Variants in TJP1 observed in about 807,000 individuals in gnomAD.
The protein encoded by TJP1 is tight junction protein ZO-1.
In TJP1, 43 loss-of-function variants were observed where a neutral mutation model predicts 194.2. The ratio of observed to expected loss-of-function variants is 0.22; its 90% CI spans 0.17 to 0.29. The LOEUF (loss-of-function observed/expected upper bound fraction) is 0.29, where lower values mean the gene tolerates loss of function less well. Ranked by LOEUF, TJP1 falls within the 10% of genes least tolerant of loss-of-function variation. The pLI is 1.00. For missense variants in TJP1, 1,971 were observed against 2,185.7 expected, an observed-to-expected ratio of 0.90 and a Z score of 1.96; for synonymous variants, 801 against 779.0, an observed-to-expected ratio of 1.03 and a Z score of -0.47.
At chr15:29,726,254 A>G in intron 18 of TJP1, 125 bp downstream of exon 18, 1 of 797,240 alleles carries the variant, frequency 1.3e-6, no homozygotes, top group Non-Finnish European at 2.0e-6. Context: ...AAAACCTAAA[A>G]GCTAACTTTC....
At chr15:29,911,398 G>C (rs754661543) in intron 2 of TJP1, among the ~76,000 whole-genome samples, 2 of 152,184 alleles carry the variant, frequency 1.3e-5, no homozygotes, top group Non-Finnish European at 2.9e-5. Context: ...GTACTAGTCT[G>C]TCTTCATGTT....
At chr15:29,833,871 A>AT (rs1567116902) in intron 2 of TJP1, among the ~76,000 whole-genome samples, 2 of 18,348 alleles carry the variant, frequency 1.1e-4, no homozygotes, top group South Asian at 2.5e-3. Context: ...ATATATATAT[A>AT]TATATATATA....
rs760935086 is a variant in TJP1, at chr15:29,718,735, G to T, written c.3407C>A (p.Ala1136Asp). 1 of 1,614,134 alleles carries T rather than the reference G, an allele frequency of 6.2e-7. No homozygotes were observed. Among genetic ancestry groups the T allele is most frequent in the Admixed American group, 1.7e-5 (1 of 60,020 alleles). Reference sequence around the variant, plus strand: ...TGGTCTGCTGTCGTAAGACAGAGGGGCTGGCTCTTCAAAACGTGGAAAGTA... The same window carrying T: ...TGGTCTGCTGTCGTAAGACAGAGGGTCTGGCTCTTCAAAACGTGGAAAGTA... ...RGYFPRFEEP[A>D]PLSYDSRPRY... Residue 1136 changes from alanine (A) to aspartate (D), a missense_variant, in exon 21 of 28, where the codon GCC becomes GAC. This residue lies in a region of TJP1 where 1,108 missense variants were observed against 1,128.5 expected (regional missense o/e 0.98). Coordinates refer to ENST00000614355, the MANE Select transcript of TJP1 (RefSeq NM_001330239.4).
Position 29,813,773 on chromosome 15 carries a change from T to G in TJP1, c.27+8229A>C, listed in dbSNP as rs530135109. ...TCATTATGGACAGAATTTTATTTGCTGCTCTCTACCCGCACCATTAAAATG... is the reference window on the plus strand; with the variant it reads ...TCATTATGGACAGAATTTTATTTGCGGCTCTCTACCCGCACCATTAAAATG... On this transcript the variant is annotated intron_variant, in intron 1 of 27. Transcript: ENST00000614355. Among the ~76,000 whole-genome samples, 25 of 152,356 alleles carry G rather than the reference T, an allele frequency of 1.6e-4. No individual in the cohort carries two copies. In the East Asian group the frequency reaches 4.8e-3, roughly 29 times the overall value.
chr15:29,710,693 A>G, intron 24 of TJP1, 138 bp downstream of exon 24: 1 of 1,054,460 alleles, frequency 9.5e-7, no homozygotes, highest in Non-Finnish European at 1.4e-6. Flanking sequence ...TTTTAACAAA[A>G]TTCTTAGTTT....
intron 27 of TJP1, among the ~76,000 whole-genome samples, 190 bp downstream of exon 27, chr15:29,703,972 T>C (rs2041725295): frequency 1.3e-5 from 2 of 152,164 alleles, no homozygotes; most frequent in Non-Finnish European, 2.9e-5. Context: ...AGGCAGAAAG[T>C]CTTCTACCTT....
chr15:29,774,113 T>C (rs1418436970), intron 2 of TJP1, among the ~76,000 whole-genome samples: 1 of 152,130 alleles, frequency 6.6e-6, no homozygotes, highest in African/African-American at 2.4e-5. Flanking sequence ...AAAGAGACAA[T>C]ATACATTTTC....
intron 2 of TJP1, among the ~76,000 whole-genome samples, chr15:29,784,144 C>T (rs912545233): frequency 2.0e-5 from 3 of 151,948 alleles, no homozygotes; most frequent in East Asian, 1.9e-4. Flanking sequence ...AAAAAAACTT[C>T]GCTGATACTA....
At chr15:29,880,357 C>G (rs552894444) in intron 2 of TJP1, among the ~76,000 whole-genome samples, 1 of 152,168 alleles carries the variant, frequency 6.6e-6, no homozygotes, top group Non-Finnish European at 1.5e-5. Flanking sequence ...TTTGGACATA[C>G]GCAAACATCT....
intron 5 of TJP1, among the ~76,000 whole-genome samples, chr15:29,763,960 A>G (rs939031188): frequency 6.6e-6 from 1 of 152,172 alleles, no homozygotes; most frequent in Non-Finnish European, 1.5e-5. Context: ...ACTGTTCTTC[A>G]AGATTAAACA....
chr15:29,934,791 G>C (rs952723132), intron 2 of TJP1, among the ~76,000 whole-genome samples: 10 of 152,188 alleles, frequency 6.6e-5, no homozygotes, highest in African/African-American at 2.4e-4. Flanking sequence ...ACTTATATTA[G>C]AGACAAAAGC....
At chr15:29,708,439 T>A in intron 25 of TJP1, 120 bp downstream of exon 25, 1 of 810,908 alleles carries the variant, frequency 1.2e-6, no homozygotes, top group Non-Finnish European at 2.0e-6. Flanking sequence ...GCAACAACAC[T>A]CTTCAGTTTA....
intron 2 of TJP1, among the ~76,000 whole-genome samples, chr15:29,876,953 A>T (rs2052723768): frequency 6.6e-6 from 1 of 152,182 alleles, no homozygotes; most frequent in Non-Finnish European, 1.5e-5. Context: ...TGAAGCAAAA[A>T]TGCTCAAGAA....
chr15:29,948,512 T>C (rs1443868217), intron 2 of TJP1, among the ~76,000 whole-genome samples: 2 of 152,030 alleles, frequency 1.3e-5, no homozygotes, highest in African/African-American at 4.8e-5. Context: ...GAGACAGAAA[T>C]GAGAAGTAGG....
intron 8 of TJP1, among the ~76,000 whole-genome samples, chr15:29,745,513 C>T (rs888828413): frequency 3.9e-5 from 6 of 152,012 alleles, no homozygotes; most frequent in Non-Finnish European, 7.4e-5. Context: ...AATTCGGAAG[C>T]CATAAAGGCA....
intron 2 of TJP1, among the ~76,000 whole-genome samples, chr15:29,880,854 G>A (rs1457068790): frequency 2.0e-5 from 3 of 152,200 alleles, no homozygotes; most frequent in South Asian, 4.1e-4. Flanking sequence ...TGATGGACAG[G>A]TGGGTTGTTT....
chr15:29,908,244 T>C (rs1596233869), intron 2 of TJP1, among the ~76,000 whole-genome samples: 2 of 152,004 alleles, frequency 1.3e-5, no homozygotes, highest in African/African-American at 4.8e-5. Flanking sequence ...ACCTATTCCA[T>C]GGACATCAGA....
intron 2 of TJP1, among the ~76,000 whole-genome samples, chr15:29,895,605 C>T (rs2053452890): frequency 1.3e-5 from 2 of 152,188 alleles, no homozygotes; most frequent in Admixed American, 6.5e-5. Flanking sequence ...GCTTTCTCTA[C>T]AGCTCTCCTT....
intron 11 of TJP1, among the ~76,000 whole-genome samples, chr15:29,735,698 A>G (rs978355648): frequency 1.3e-4 from 20 of 152,150 alleles, no homozygotes; most frequent in Admixed American, 6.5e-5. Context: ...TTTCCTTGGT[A>G]TAGTGAACGT....
Sources: gnomAD v4.1 joint callset for allele counts (sites outside exome capture counted in the v4.1 genomes callset) on GRCh38, gnomAD v4.1.1 for gene constraint, gnomAD v4.1.1 regional missense constraint, MANE v1.5 for transcripts, NCBI Gene and HGNC (gene_info 2026-07-23, HGNC 2026-07-21) for gene names.